SDK2: variants seen among roughly 807,000 people sequenced by gnomAD.
SDK2 encodes the protein protein sidekick-2.
SDK2 carries 105 observed loss-of-function variants against 253.9 expected under a neutral mutation model. That is an observed-to-expected ratio of 0.41 (90% CI 0.35 to 0.49). SDK2 has a LOEUF of 0.49. Ranked by LOEUF, SDK2 falls within the 20% of genes least tolerant of loss-of-function variation. The pLI is 0.06. For synonymous variants in SDK2, 1,249 were observed against 1,234.9 expected, an observed-to-expected ratio of 1.01 and a Z score of -0.24; for missense variants, 2,608 against 3,003.0, an observed-to-expected ratio of 0.87 and a Z score of 3.07.
chr17:73,472,037 C>A (rs2063654683), intron 3 of SDK2, 75 bp downstream of exon 3: 2 of 1,112,086 alleles, frequency 1.8e-6, no homozygotes, highest in Admixed American at 2.0e-5. Flanking sequence ...TCTGGCTCTG[C>A]CCAGGATGTG....
chr17:73,401,497 G>A (rs2063025644), intron 20 of SDK2, among the ~76,000 whole-genome samples, 157 bp downstream of exon 20: 1 of 152,160 alleles, frequency 6.6e-6, no homozygotes, highest in African/African-American at 2.4e-5. Context: ...GTGTTATGAA[G>A]TGGAGGTGCC....
At position 73,435,138 on chromosome 17, in the gene SDK2, T is replaced by A. The variant is rs1419199267; in HGVS notation, c.1195+312A>T. ...CCTGGGAACCCAGGGATAGTCGCAG[T>A]GCCAGAGCTGGTACCCGTGGTTGGT... On this transcript the variant is annotated intron_variant, in intron 9 of 44. Transcript: ENST00000392650. This position sits in a 1 kb window ranked among gnomAD's most constrained non-coding sequence, Gnocchi z 5.7. Among the ~76,000 whole-genome samples, 1 of 152,220 alleles carries A rather than the reference T, an allele frequency of 6.6e-6. No individual in the cohort carries two copies. The highest frequency in any genetic ancestry group is 1.5e-5 in the Non-Finnish European group (1 of 68,036).
At chr17:73,602,504 GA>G (rs1297032836) in intron 1 of SDK2, among the ~76,000 whole-genome samples, 3 of 144,510 alleles carry the variant, frequency 2.1e-5, no homozygotes, top group Admixed American at 6.9e-5. Context: ...ATGGATGGAA[GA>G]AAAAAAAAGT....
rs1568389420 is a variant in SDK2 at position 73,412,083 on chromosome 17, T to TGTATATATACGTATATATGTATAC, written c.2484+2537_2484+2560dup. ...ATGTATATATACGTATATATGTATA[T>TGTATATATACGTATATATGTATAC]GTATATATACGTATATATGTATACG... On this transcript the variant is annotated intron_variant, in intron 18 of 44. Coordinates refer to ENST00000392650, the MANE Select transcript of SDK2 (RefSeq NM_001144952.2). Among the ~76,000 whole-genome samples, 70 of 66,958 alleles carry TGTATATATACGTATATATGTATAC rather than the reference T, an allele frequency of 1.0e-3. 16 individuals carry two copies. Among genetic ancestry groups the TGTATATATACGTATATATGTATAC allele is most frequent in the African/African-American group, 3.2e-3 (56 of 17,340 alleles). 43.9% of individuals were successfully genotyped at this position (66,958 alleles called of 152,430 possible).
intron 1 of SDK2, among the ~76,000 whole-genome samples, chr17:73,562,607 G>T (rs2045253740): frequency 6.6e-6 from 1 of 152,130 alleles, no homozygotes; most frequent in African/African-American, 2.4e-5. Context: ...TTGGGAGGTG[G>T]TTCTGAGTGT....
chr17:73,387,420 G>A (rs78155798), intron 30 of SDK2, among the ~76,000 whole-genome samples: 2,533 of 152,116 alleles, frequency 0.017, 72 homozygotes, highest in East Asian at 0.088. Context: ...CAAAACTCCC[G>A]GTCACATCAA....
At chr17:73,441,512 T>C (rs1017852247) in intron 5 of SDK2, among the ~76,000 whole-genome samples, 4 of 152,026 alleles carry the variant, frequency 2.6e-5, no homozygotes, top group African/African-American at 9.7e-5. Flanking sequence ...AAGAGGGAAA[T>C]TGAGACACAG....
intron 36 of SDK2, among the ~76,000 whole-genome samples, chr17:73,372,634 G>A (rs1368601940): frequency 6.6e-6 from 1 of 151,844 alleles, no homozygotes; most frequent in African/African-American, 2.4e-5. Context: ...CCAGCTACTC[G>A]GGAGGCTGAG....
intron 1 of SDK2, among the ~76,000 whole-genome samples, chr17:73,598,775 G>A (rs1339388859): frequency 6.6e-6 from 1 of 152,178 alleles, no homozygotes; most frequent in Non-Finnish European, 1.5e-5. Context: ...AGGTGGGAGA[G>A]GCACTGGACA....
intron 1 of SDK2, among the ~76,000 whole-genome samples, chr17:73,591,008 C>T (rs1050181287): frequency 1.3e-5 from 2 of 152,204 alleles, no homozygotes; most frequent in African/African-American, 4.8e-5. Flanking sequence ...CAACCTCCAC[C>T]TCCCAGGTTC....
chr17:73,376,869 TTCC>T (rs1474945644), intron 36 of SDK2, among the ~76,000 whole-genome samples: 3 of 152,214 alleles, frequency 2.0e-5, no homozygotes, highest in African/African-American at 7.2e-5. Context: ...TCCTCCTTCC[TTCC>T]TCCTCCTTCA....
intron 1 of SDK2, among the ~76,000 whole-genome samples, chr17:73,566,232 C>T (rs1409736391): frequency 1.3e-5 from 2 of 152,092 alleles, no homozygotes; most frequent in Non-Finnish European, 2.9e-5. Flanking sequence ...GTGGAAGCTT[C>T]CTGAGGCCTC....
intron 1 of SDK2, chr17:73,516,973 G>A (rs2064034463): frequency 6.6e-6 from 1 of 152,186 alleles, no homozygotes; most frequent in Non-Finnish European, 1.5e-5. Context: ...TAGGGAAGGA[G>A]GGCTGTGTGC....
intron 1 of SDK2, among the ~76,000 whole-genome samples, chr17:73,532,118 C>T (rs1477484446): frequency 1.3e-5 from 2 of 152,264 alleles, no homozygotes; most frequent in African/African-American, 2.4e-5. Context: ...TGTTTTTGGT[C>T]GTCACAACTG....
chr17:73,395,949 C>T lies in SDK2; in HGVS notation c.3355-557G>A, dbSNP rs142765833. Among the ~76,000 whole-genome samples the T allele has an allele frequency of 2.0e-5, 3 of 151,726 alleles. No homozygotes were observed. Among genetic ancestry groups the T allele is most frequent in the Non-Finnish European group, 2.9e-5 (2 of 67,960 alleles). The stretch of plus-strand genomic sequence containing the variant: ...TTTTTTTTTTTAAGACAGGGTCTGG[C>T]TCTGTCTCTCAGGCTGCAGTGCCAT... On this transcript the variant is annotated intron_variant, in intron 24 of 44. Coordinates refer to ENST00000392650, the MANE Select transcript of SDK2 (RefSeq NM_001144952.2). The surrounding 1 kb of genome is among the most constrained non-coding windows in gnomAD (Gnocchi z 4.3).
intron 10 of SDK2, among the ~76,000 whole-genome samples, chr17:73,432,420 T>C (rs1222176377): frequency 1.3e-5 from 2 of 152,134 alleles, no homozygotes; most frequent in Non-Finnish European, 2.9e-5. Flanking sequence ...TGTACATGCG[T>C]GCAGGCACAG....
chr17:73,599,730 A>T (rs1387841686), intron 1 of SDK2, among the ~76,000 whole-genome samples: 3 of 152,156 alleles, frequency 2.0e-5, no homozygotes, highest in African/African-American at 7.2e-5. Flanking sequence ...ACCCTAAGCC[A>T]TTCCTCTCCA....
intron 5 of SDK2, among the ~76,000 whole-genome samples, chr17:73,446,120 C>G (rs1463376589): frequency 2.0e-5 from 3 of 152,214 alleles, no homozygotes; most frequent in African/African-American, 7.2e-5. Context: ...AGGAGGATGC[C>G]TGGCTTTGAC....
intron 27 of SDK2, 44 bp downstream of exon 27, chr17:73,393,516 G>C: frequency 6.8e-7 from 1 of 1,465,466 alleles, no homozygotes; most frequent in Non-Finnish European, 9.1e-7. Flanking sequence ...GAGGAAGGGC[G>C]GCTCCTCCCA....
Sources: allele counts gnomAD v4.1 joint callset (sites outside exome capture counted in the v4.1 genomes callset), GRCh38; gene constraint gnomAD v4.1.1; non-coding constraint Gnocchi (gnomAD v3.1); transcripts MANE v1.5; gene names NCBI Gene and HGNC (gene_info 2026-07-23, HGNC 2026-07-21).